The following VWA5B1 variants were observed in gnomAD, a reference collection of about 807,000 sequenced individuals.
The protein encoded by VWA5B1 is von Willebrand factor A domain-containing protein 5B1.
VWA5B1 carries 115 observed loss-of-function variants against 118.2 expected under a neutral mutation model. The ratio of observed to expected loss-of-function variants is 0.97; its 90% CI spans 0.84 to 1.14. The LOEUF (loss-of-function observed/expected upper bound fraction) is 1.14. Among genes scored for constraint, VWA5B1 ranks in the 50% most tolerant of loss-of-function variants. The probability of loss-of-function intolerance (pLI) is 0.00; values close to 1 mark genes in which losing one functional copy is unlikely to be tolerated. For missense variants in VWA5B1, 1,596 were observed against 1,603.8 expected, an observed-to-expected ratio of 1.00 and a Z score of 0.08; for synonymous variants, 682 against 658.4, an observed-to-expected ratio of 1.04 and a Z score of -0.55.
chr1:20,318,722 G>T lies in VWA5B1; in HGVS notation c.841+1G>T. 1 of 1,486,118 alleles carries T rather than the reference G, an allele frequency of 6.7e-7. No individual in the cohort carries two copies. Among genetic ancestry groups the T allele is most frequent in the Non-Finnish European group, 9.0e-7 (1 of 1,111,066 alleles). 92.1% of individuals were successfully genotyped at this position (1,486,118 alleles called of 1,614,324 possible). On this transcript the variant is annotated splice_donor_variant, in intron 6 of 21. Coordinates refer to ENST00000289815, the MANE Select transcript of VWA5B1 (RefSeq NM_001039500.3). LOFTEE classifies it high-confidence loss of function. ...GTGGAGATCCTCATCCACCCCAGCG[G>T]TACGGTGCCCCACAACGGGCCCCTG...
intron 1 of VWA5B1, among the ~76,000 whole-genome samples, chr1:20,295,191 T>A (rs1420457631): frequency 6.6e-6 from 1 of 151,652 alleles, no homozygotes; most frequent in Non-Finnish European, 1.5e-5. Flanking sequence ...GGGCTCTGGG[T>A]TGAGGGAGGA....
intron 8 of VWA5B1, among the ~76,000 whole-genome samples, chr1:20,323,734 A>C (rs1323942769): frequency 6.6e-6 from 1 of 152,224 alleles, no homozygotes; most frequent in Non-Finnish European, 1.5e-5. Flanking sequence ...ATCCATTTAT[A>C]AGGGATGAAG....
rs2089506600 is a variant in VWA5B1 at position 20,330,257 on chromosome 1, C to G, written c.1332C>G (p.Leu444=). Residue 444 remains leucine (L), a synonymous_variant, in exon 10 of 22, where the codon CTC becomes CTG. Transcript: ENST00000289815. ...DMGGTNILSP[L]KWVIRQPVHR... is the part of the protein sequence containing the mutation. Reference sequence around the variant, plus strand: ...GTGGGACCAACATCCTTTCCCCTCTCAAGTGGGTCATCAGGCAGCCAGTGC... The same window carrying G: ...GTGGGACCAACATCCTTTCCCCTCTGAAGTGGGTCATCAGGCAGCCAGTGC... 12 of 1,551,780 alleles carry G rather than the reference C, an allele frequency of 7.7e-6. No individual in the cohort carries two copies. Among genetic ancestry groups the G allele is most frequent in the Non-Finnish European group, 1.0e-5 (12 of 1,147,016 alleles).
At chr1:20,335,831 G>C (rs560266820) in intron 12 of VWA5B1, among the ~76,000 whole-genome samples, 1 of 152,242 alleles carries the variant, frequency 6.6e-6, no homozygotes, top group African/African-American at 2.4e-5. Context: ...TGATAGAAGG[G>C]AATAAGTGGA....
rs1402936639 is a variant in VWA5B1 at position 20,336,496 on chromosome 1, C to T, written c.1942+10C>T. 5.9e-6 allele frequency: 8 copies of T among 1,362,258 alleles called. No homozygotes were observed. The highest frequency in any genetic ancestry group is 3.8e-4 in the Middle Eastern group (2 of 5,268). 84.4% of individuals were successfully genotyped at this position (1,362,258 alleles called of 1,614,324 possible). A position where few individuals can be genotyped will look rare whatever the true frequency, so the allele number is the denominator to read the frequency against. On this transcript the variant is annotated intron_variant, in intron 13 of 21. Transcript: ENST00000289815. ...TCTACCACCAAGCACGGTTCGTCTGCGGCTCTGATGATTGCTGCCTTACAT... is the reference window on the plus strand; with the variant it reads ...TCTACCACCAAGCACGGTTCGTCTGTGGCTCTGATGATTGCTGCCTTACAT...
chr1:20,305,164 CAAAG>C (rs1553194490), intron 1 of VWA5B1, among the ~76,000 whole-genome samples: 1 of 150,638 alleles, frequency 6.6e-6, no homozygotes, highest in Non-Finnish European at 1.5e-5. Context: ...GGAAAAAAAA[CAAAG>C]AAAGGAAGCT....
At chr1:20,351,624 C>A (rs894568371) in intron 20 of VWA5B1, among the ~76,000 whole-genome samples, 1 of 152,032 alleles carries the variant, frequency 6.6e-6, no homozygotes, top group African/African-American at 2.4e-5. Context: ...TGCACTCCAG[C>A]CTGGGCAACA....
Position 20,353,913 on chromosome 1 carries a change from C to T in VWA5B1, c.3298C>T (p.Gln1100Ter), listed in dbSNP as rs1341087198. 1.9e-6 allele frequency: 3 copies of T among 1,548,926 alleles called. No homozygotes were observed. In the African/African-American group the frequency reaches 4.1e-5, roughly 21 times the overall value. Residue 1100 changes from glutamine (Q) to a stop codon, truncating the protein, a stop_gained, in exon 22 of 22, where the codon CAG becomes TAG. Transcript: ENST00000289815. LOFTEE classifies it low-confidence loss of function (END_TRUNC). The part of the protein sequence containing the change: ...RPSESKTPSP[Q>*]LCTSSPPRHP... ...GTCTGAGTCCAAGACCCCGAGTCCC[C>T]AGCTGTGCACCAGCTCCCCGCCTAG...
intron 16 of VWA5B1, among the ~76,000 whole-genome samples, chr1:20,343,702 A>G (rs2089943813): frequency 8.2e-5 from 1 of 12,256 alleles, no homozygotes; most frequent in Non-Finnish European, 1.6e-4. Context: ...ACTCCCCGCC[A>G]TAGCCCGTCC....
At chr1:20,292,832 G>A (rs1477529148) in intron 1 of VWA5B1, among the ~76,000 whole-genome samples, 1 of 152,124 alleles carries the variant, frequency 6.6e-6, no homozygotes, top group Non-Finnish European at 1.5e-5. Flanking sequence ...GATGGTGCAG[G>A]GCTGGTGGTC....
Position 20,352,286 on chromosome 1 carries a change from T to C in VWA5B1, c.3141+114T>C, listed in dbSNP as rs1282032426. 3.7e-6 allele frequency: 3 copies of C among 816,512 alleles called. No homozygotes were observed. In the African/African-American group the frequency reaches 5.3e-5, roughly 14 times the overall value. 50.6% of individuals were successfully genotyped at this position (816,512 alleles called of 1,614,324 possible). On this transcript the variant is annotated intron_variant, in intron 21 of 21. Coordinates refer to ENST00000289815, the MANE Select transcript of VWA5B1 (RefSeq NM_001039500.3). ...CCTCAAAGAGAAGAAGGCTTTGGTC[T>C]TAGAGCTCAGATCCCCTGAGTTTTG...
At chr1:20,333,625 T>G (rs982382750) in intron 12 of VWA5B1, among the ~76,000 whole-genome samples, 1 of 152,224 alleles carries the variant, frequency 6.6e-6, no homozygotes, top group Non-Finnish European at 1.5e-5. Context: ...GCACTCAGAT[T>G]TCCTTCTCCA....
At position 20,315,862 on chromosome 1, in the gene VWA5B1, G is replaced by T. The variant is rs569900430; in HGVS notation, c.563+1270G>T. ...GCCAGTCTCAGACCAAAGAGCGCCA[G>T]CCTGTGTGTTGTCTTTGTAAGTGTT... On this transcript the variant is annotated intron_variant, in intron 4 of 21. Coordinates refer to ENST00000289815, the MANE Select transcript of VWA5B1 (RefSeq NM_001039500.3). Among the ~76,000 whole-genome samples the T allele has an allele frequency of 2.0e-5, 3 of 152,356 alleles. No homozygotes were observed. In the East Asian group the frequency reaches 5.8e-4, roughly 29 times the overall value.
At chr1:20,317,390 T>G (rs1027555594) in intron 4 of VWA5B1, 140 bp from the exon 5 acceptor site, 105 of 1,144,250 alleles carry the variant, frequency 9.2e-5, no homozygotes, top group Middle Eastern at 3.0e-4. Context: ...TGGGGTCAGG[T>G]TGAGTGGGAG....
At chr1:20,346,048 G>A (rs1340281527) in intron 17 of VWA5B1, among the ~76,000 whole-genome samples, 2 of 152,160 alleles carry the variant, frequency 1.3e-5, no homozygotes, top group Non-Finnish European at 2.9e-5. Flanking sequence ...ACATGAATTG[G>A]ATTATCCTAA....
At chr1:20,351,898 T>A (rs1433158428) in intron 20 of VWA5B1, among the ~76,000 whole-genome samples, 157 bp from the exon 21 acceptor site, 1 of 152,170 alleles carries the variant, frequency 6.6e-6, no homozygotes, top group African/African-American at 2.4e-5. Context: ...GAGCAGTTGC[T>A]TCGAGCCCAT....
chr1:20,356,384 T>C lies in VWA5B1; in HGVS notation c.*2121T>C, dbSNP rs113174129. Among the ~76,000 whole-genome samples the C allele has an allele frequency of 0.013, 1,978 of 152,308 alleles. 41 individuals are homozygous for C. Among genetic ancestry groups the C allele is most frequent in the African/African-American group, 0.045 (1,861 of 41,556 alleles). On this transcript the variant is annotated 3_prime_UTR_variant, in exon 22 of 22. Transcript: ENST00000289815. ...CCCTCTTCATGAACATGAATTTGCT[T>C]GAGTTCTCTGTGTGACCTTGAACAA... is the stretch of plus-strand genomic sequence containing the variant.
At chr1:20,315,860 C>A (rs1298191065) in intron 4 of VWA5B1, among the ~76,000 whole-genome samples, 1 of 152,200 alleles carries the variant, frequency 6.6e-6, no homozygotes, top group Non-Finnish European at 1.5e-5. Flanking sequence ...CAAAGAGCGC[C>A]AGCCTGTGTG....
In VWA5B1 at chr1:20,312,038, C is replaced by T. The variant is rs542318507; in HGVS notation, c.140-798C>T. Among the ~76,000 whole-genome samples, 81 of 152,230 alleles carry T rather than the reference C, an allele frequency of 5.3e-4. 2 individuals carry two copies. Among genetic ancestry groups the T allele is most frequent in the Non-Finnish European group, 1.9e-4 (13 of 68,000 alleles). Reference sequence around the variant, plus strand: ...ACTGAGGCCCAGAGGGAGCGGAGGTCGGGGTTTGTGAGGGGCTCACCCTGG... The same window carrying T: ...ACTGAGGCCCAGAGGGAGCGGAGGTTGGGGTTTGTGAGGGGCTCACCCTGG... On this transcript the variant is annotated intron_variant, in intron 2 of 21. Coordinates refer to ENST00000289815, the MANE Select transcript of VWA5B1 (RefSeq NM_001039500.3).
Sources: allele counts gnomAD v4.1 joint callset (sites outside exome capture counted in the v4.1 genomes callset), GRCh38; gene constraint gnomAD v4.1.1; transcripts MANE v1.5; gene names NCBI Gene and HGNC (gene_info 2026-07-23, HGNC 2026-07-21).